Variants in PAPPA observed in about 807,000 individuals in gnomAD.
PAPPA encodes the protein pappalysin 1.
A neutral mutation model predicts 164.0 loss-of-function variants in PAPPA; 60 were observed. The observed-to-expected ratio is 0.37, with a 90% confidence interval of 0.30 to 0.45. The LOEUF is 0.45. Ranked by LOEUF, PAPPA falls within the 20% of genes least tolerant of loss-of-function variation. The probability of loss-of-function intolerance (pLI) is 1.00; values close to 1 mark genes in which losing one functional copy is unlikely to be tolerated. For missense variants in PAPPA, 1,782 were observed against 2,087.3 expected, an observed-to-expected ratio of 0.85 and a Z score of 2.85; for synonymous variants, 875 against 814.1, an observed-to-expected ratio of 1.07 and a Z score of -1.27.
chr9:116,207,646 T>A, intron 3 of PAPPA, 45 bp downstream of exon 3: 1 of 1,462,862 alleles, frequency 6.8e-7, no homozygotes, highest in Non-Finnish European at 9.4e-7. Context: ...AGTAGGACAG[T>A]AATACACTTA....
chr9:116,355,258 G>A (rs2118604590), intron 17 of PAPPA, among the ~76,000 whole-genome samples: 1 of 152,356 alleles, frequency 6.6e-6, no homozygotes, highest in East Asian at 1.9e-4. Flanking sequence ...AATGTCACAG[G>A]AATTAAGGGC....
At chr9:116,191,344 T>G (rs1303304414) in intron 2 of PAPPA, among the ~76,000 whole-genome samples, 3 of 152,158 alleles carry the variant, frequency 2.0e-5, no homozygotes, top group Admixed American at 2.0e-4. Flanking sequence ...AATGAGGCCA[T>G]AGGTGGGATT....
chr9:116,291,515 A>G (rs1383811581), intron 9 of PAPPA, among the ~76,000 whole-genome samples: 2 of 152,196 alleles, frequency 1.3e-5, no homozygotes, highest in Non-Finnish European at 2.9e-5. Flanking sequence ...CATTGATAAC[A>G]GAGATTCTAA....
At chr9:116,360,199 G>C (rs1344810247) in intron 17 of PAPPA, among the ~76,000 whole-genome samples, 1 of 152,242 alleles carries the variant, frequency 6.6e-6, no homozygotes, top group Non-Finnish European at 1.5e-5. Context: ...CCAGGAAATT[G>C]GGGTCAATTT....
At chr9:116,385,979 C>T (rs982987475) in intron 21 of PAPPA, among the ~76,000 whole-genome samples, 2 of 152,080 alleles carry the variant, frequency 1.3e-5, no homozygotes, top group African/African-American at 4.8e-5. Context: ...CATGAAGGTC[C>T]GAGAAAGCTT....
intron 9 of PAPPA, among the ~76,000 whole-genome samples, chr9:116,276,554 T>C (rs968684035): frequency 1.1e-4 from 16 of 152,178 alleles, no homozygotes; most frequent in Non-Finnish European, 4.4e-5. Context: ...CCTCATCTGA[T>C]ACTGAGGAAT....
At chr9:116,254,547 C>CT (rs1844898741) in intron 7 of PAPPA, among the ~76,000 whole-genome samples, 1 of 152,048 alleles carries the variant, frequency 6.6e-6, no homozygotes, top group Non-Finnish European at 1.5e-5. Flanking sequence ...CTTTGGGAGG[C>CT]CAGGGTGGGC....
At chr9:116,363,410 C>CTTTGCA (rs1846455792) in intron 18 of PAPPA, among the ~76,000 whole-genome samples, 1 of 152,164 alleles carries the variant, frequency 6.6e-6, no homozygotes, top group South Asian at 2.1e-4. Flanking sequence ...TCAAAATACT[C>CTTTGCA]TTTGCATGGT....
At chr9:116,226,450 C>T (rs1185523955) in intron 5 of PAPPA, among the ~76,000 whole-genome samples, 1 of 152,106 alleles carries the variant, frequency 6.6e-6, no homozygotes, top group Non-Finnish European at 1.5e-5. Flanking sequence ...TTCAGGTAGC[C>T]AAAGCACAGA....
chr9:116,256,104 G>A (rs1008296538), intron 7 of PAPPA, among the ~76,000 whole-genome samples: 3 of 151,154 alleles, frequency 2.0e-5, no homozygotes, highest in South Asian at 2.1e-4. Flanking sequence ...TTGACCCAGG[G>A]AGCACATGAT....
intron 1 of PAPPA, among the ~76,000 whole-genome samples, chr9:116,156,346 A>ATATATG (rs776123892): frequency 1.2e-5 from 1 of 82,502 alleles, no homozygotes; most frequent in Non-Finnish European, 3.1e-5. Flanking sequence ...ATATATATAT[A>ATATATG]TGTATATATA....
intron 4 of PAPPA, among the ~76,000 whole-genome samples, chr9:116,218,575 T>A (rs1399780780): frequency 6.6e-6 from 1 of 152,084 alleles, no homozygotes; most frequent in African/African-American, 2.4e-5. Context: ...CAGAACCAGG[T>A]CTTAGGTCAC....
chr9:116,275,911 G>A (rs866791274), intron 9 of PAPPA, among the ~76,000 whole-genome samples: 16 of 152,060 alleles, frequency 1.1e-4, no homozygotes, highest in South Asian at 2.1e-4. Flanking sequence ...GGGACTTCCC[G>A]TTCTCAATTT....
chr9:116,166,102 T>C (rs1843716531), intron 1 of PAPPA, among the ~76,000 whole-genome samples: 1 of 152,168 alleles, frequency 6.6e-6, no homozygotes, highest in African/African-American at 2.4e-5. Flanking sequence ...CATGTTGCAT[T>C]ACGTAACCAA....
At chr9:116,190,108 C>T (rs1398442140) in intron 2 of PAPPA, among the ~76,000 whole-genome samples, 9 of 152,194 alleles carry the variant, frequency 5.9e-5, no homozygotes, top group African/African-American at 1.2e-4. Flanking sequence ...TTAACATTCA[C>T]ATTTGACTGA....
At chr9:116,171,350 C>T (rs540243871) in intron 1 of PAPPA, among the ~76,000 whole-genome samples, 47 of 152,234 alleles carry the variant, frequency 3.1e-4, no homozygotes, top group Non-Finnish European at 5.0e-4. Context: ...AAAGCATTTT[C>T]GACATCTACC....
intron 6 of PAPPA, 94 bp downstream of exon 6, chr9:116,227,646 T>G (rs1844531079): frequency 7.5e-7 from 1 of 1,336,884 alleles, no homozygotes. Flanking sequence ...TATGGGTCTT[T>G]GCCATGTATC....
chr9:116,216,776 C>G (rs780069716), intron 4 of PAPPA, among the ~76,000 whole-genome samples: 6 of 152,094 alleles, frequency 3.9e-5, no homozygotes, highest in Non-Finnish European at 7.4e-5. Context: ...GAGTCTTACT[C>G]TGTCGCCCAG....
chr9:116,154,384 C>T lies in PAPPA; in HGVS notation c.212C>T (p.Ala71Val). Residue 71 changes from alanine (A) to valine (V), a missense_variant, in exon 1 of 22, where the codon GCC becomes GTC. By Grantham distance (64) the Ala-to-Val change is moderately conservative. Around this residue, in one of 2 missense-constraint regions of PAPPA, gnomAD observed 458 missense variants for 430.3 expected, o/e 1.06. Coordinates refer to ENST00000328252, the MANE Select transcript of PAPPA (RefSeq NM_002581.5). The surrounding 1 kb of genome is among the most constrained non-coding windows in gnomAD (Gnocchi z 5.2). ...CCGCCGCCGGGCGGTGCCTGGGAAG[C>T]CGTGCGCGTCCCCCGGCGGCGGCAG... is the stretch of plus-strand genomic sequence containing the variant. ...PPPPPGGAWE[A>V]VRVPRRRQQR... The T allele has an allele frequency of 9.2e-7, 1 of 1,081,188 alleles. No individual in the cohort carries two copies. Among genetic ancestry groups the T allele is most frequent in the Middle Eastern group, 3.5e-4 (1 of 2,820 alleles). 67.0% of individuals were successfully genotyped at this position (1,081,188 alleles called of 1,614,324 possible).
Sources: allele counts gnomAD v4.1 joint callset (sites outside exome capture counted in the v4.1 genomes callset), GRCh38; gene constraint gnomAD v4.1.1; regional missense constraint gnomAD v4.1.1; non-coding constraint Gnocchi (gnomAD v3.1); transcripts MANE v1.5; gene names NCBI Gene and HGNC (gene_info 2026-07-23, HGNC 2026-07-21).